Variants in RBM47 observed in about 807,000 individuals in gnomAD.
RBM47 encodes RNA binding motif protein 47, also known as RNA-binding protein 47.
Under a neutral mutation model 47.1 loss-of-function variants are expected in RBM47, and 21 were observed. That is an observed-to-expected ratio of 0.45 (90% CI 0.32 to 0.64). The LOEUF (loss-of-function observed/expected upper bound fraction) is 0.64. Ranked by LOEUF, RBM47 falls within the 30% of genes least tolerant of loss-of-function variation. The pLI is 0.05. For synonymous variants in RBM47, 375 were observed against 361.7 expected (o/e 1.04, Z -0.42); for missense variants, 708 against 870.9 (o/e 0.81, Z 2.35).
At chr4:40,500,317 C>T (rs139413730) in intron 2 of RBM47, among the ~76,000 whole-genome samples, 1 of 149,808 alleles carries the variant, frequency 6.7e-6, no homozygotes, top group African/African-American at 2.5e-5. Context: ...TCGTCCCCCC[C>T]CAAAAAAAAA....
intron 2 of RBM47, among the ~76,000 whole-genome samples, chr4:40,511,056 C>T (rs1724862043): frequency 6.6e-6 from 1 of 152,172 alleles, no homozygotes; most frequent in Non-Finnish European, 1.5e-5. Context: ...CTGGGCTAAC[C>T]TATACGCATT....
chr4:40,436,002 C>CAAAAAAAAAA (rs11452583), intron 5 of RBM47, among the ~76,000 whole-genome samples: 12 of 110,888 alleles, frequency 1.1e-4, no homozygotes, highest in Middle Eastern at 5.2e-3. Context: ...ACTAAAAATA[C>CAAAAAAAAAA]AAAAAAAAAA....
At chr4:40,624,261 T>C (rs939395277) in intron 1 of RBM47, among the ~76,000 whole-genome samples, 1 of 152,208 alleles carries the variant, frequency 6.6e-6, no homozygotes, top group East Asian at 1.9e-4. Context: ...AAGTCACATG[T>C]AAGTGGCAGA....
chr4:40,481,788 G>T (rs745998682), intron 2 of RBM47, among the ~76,000 whole-genome samples: 1 of 152,174 alleles, frequency 6.6e-6, no homozygotes, highest in Non-Finnish European at 1.5e-5. Flanking sequence ...CTGACCTCAA[G>T]CGATCCGCCC....
intron 1 of RBM47, among the ~76,000 whole-genome samples, chr4:40,576,275 G>T: frequency 6.9e-6 from 1 of 143,924 alleles, no homozygotes; most frequent in Non-Finnish European, 1.5e-5. Flanking sequence ...GCGGAGACAG[G>T]GTCTCCCCCT....
chr4:40,619,785 G>C (rs1270321594), intron 1 of RBM47, among the ~76,000 whole-genome samples: 2 of 152,118 alleles, frequency 1.3e-5, no homozygotes, highest in African/African-American at 4.8e-5. Context: ...GGTTCCTTCA[G>C]AACACTAAAT....
chr4:40,452,183 A>G (rs1207633296), intron 3 of RBM47, among the ~76,000 whole-genome samples: 7 of 151,922 alleles, frequency 4.6e-5, no homozygotes, highest in Non-Finnish European at 8.8e-5. Flanking sequence ...AAAAAAAAAA[A>G]GAAGGAAAGG....
At chr4:40,437,090 A>AAAAAAAAAAAAAAAAAAAAT (rs1256296949) in intron 4 of RBM47, among the ~76,000 whole-genome samples, 1 of 49,802 alleles carries the variant, frequency 2.0e-5, no homozygotes, top group Non-Finnish European at 3.3e-5. Context: ...AAAAAAAAAA[A>AAAAAAAAAAAAAAAAAAAAT]ATATATATAT....
chr4:40,533,081 T>C (rs954407410), intron 2 of RBM47, among the ~76,000 whole-genome samples: 10 of 152,124 alleles, frequency 6.6e-5, no homozygotes, highest in Admixed American at 5.2e-4. Flanking sequence ...CAAAGCCCAA[T>C]ACATCTTTGA....
chr4:40,548,381 C>G (rs138097756), intron 1 of RBM47, among the ~76,000 whole-genome samples: 145 of 152,278 alleles, frequency 9.5e-4, no homozygotes, highest in African/African-American at 3.2e-3. Context: ...GGCAAGGAAC[C>G]AGGAGCCCAC....
intron 1 of RBM47, among the ~76,000 whole-genome samples, chr4:40,577,238 T>C (rs901074440): frequency 6.6e-6 from 1 of 152,172 alleles, no homozygotes; most frequent in Non-Finnish European, 1.5e-5. Flanking sequence ...CAGTTTCAGT[T>C]CTGGGAAAGG....
chr4:40,595,152 C>T (rs1407220261), intron 1 of RBM47, among the ~76,000 whole-genome samples: 1 of 152,168 alleles, frequency 6.6e-6, no homozygotes, highest in Non-Finnish European at 1.5e-5. Flanking sequence ...TCAGTTGAGA[C>T]AATTATCTCC....
At chr4:40,573,807 A>AAAAGAAAGAATGAAAGAAAGAAAG (rs1732012904) in intron 1 of RBM47, among the ~76,000 whole-genome samples, 7 of 136,662 alleles carry the variant, frequency 5.1e-5, no homozygotes, top group African/African-American at 2.1e-4. Context: ...GAAAGAAAGA[A>AAAAGAAAGAATGAAAGAAAGAAAG]AAAGAAAGAA....
chr4:40,578,281 C>CAA (rs35026850), intron 1 of RBM47, among the ~76,000 whole-genome samples: 16,849 of 152,024 alleles, frequency 0.11, 1,093 homozygotes, highest in Admixed American at 0.17. Context: ...CCATTCCTTA[C>CAA]AAAAAAAGTA....
intron 2 of RBM47, among the ~76,000 whole-genome samples, chr4:40,502,360 G>A (rs1723488688): frequency 6.6e-6 from 1 of 152,078 alleles, no homozygotes; most frequent in Non-Finnish European, 1.5e-5. Context: ...AATATAGCCT[G>A]GTCTGAATTG....
intron 4 of RBM47, 101 bp from the exon 5 acceptor site, chr4:40,436,748 T>C (rs939470580): frequency 1.2e-5 from 13 of 1,121,336 alleles, no homozygotes; most frequent in East Asian, 4.7e-5. Flanking sequence ...CCAGTCTTAA[T>C]TGCAGGTGGC....
At chr4:40,551,735 G>A (rs138255562) in intron 1 of RBM47, among the ~76,000 whole-genome samples, 53 of 147,656 alleles carry the variant, frequency 3.6e-4, no homozygotes, top group African/African-American at 1.3e-3. Flanking sequence ...TGCAGCTTCC[G>A]CCTCCCGGGT....
chr4:40,477,908 C>T (rs1719840840), intron 2 of RBM47, among the ~76,000 whole-genome samples: 1 of 151,738 alleles, frequency 6.6e-6, no homozygotes, highest in African/African-American at 2.4e-5. Flanking sequence ...CAAGTCACCC[C>T]TTCTACTGAT....
chr4:40,591,910 G>A (rs1191215473), intron 1 of RBM47, among the ~76,000 whole-genome samples: 2 of 152,058 alleles, frequency 1.3e-5, no homozygotes, highest in Admixed American at 1.3e-4. Flanking sequence ...TTGGTGGGAG[G>A]TAAATTTATG....
Sources: gnomAD v4.1 joint callset for allele counts (sites outside exome capture counted in the v4.1 genomes callset) on GRCh38, gnomAD v4.1.1 for gene constraint, MANE v1.5 for transcripts, NCBI Gene and HGNC (gene_info 2026-07-23, HGNC 2026-07-21) for gene names.